Variants in ANO2 observed in about 807,000 individuals in gnomAD.
The protein encoded by ANO2 is anoctamin 2.
ANO2 carries 101 observed loss-of-function variants against 124.2 expected under a neutral mutation model. The observed-to-expected ratio is 0.81, with a 90% confidence interval of 0.69 to 0.96. The LOEUF (loss-of-function observed/expected upper bound fraction) is 0.96. ANO2 is among the 40% of genes least tolerant of loss of function. The pLI, the probability that ANO2 is intolerant of heterozygous loss-of-function variation, is 0.00. For missense variants in ANO2, 1,293 were observed against 1,274.5 expected, an observed-to-expected ratio of 1.01 and a Z score of -0.22; for synonymous variants, 486 against 482.5, an observed-to-expected ratio of 1.01 and a Z score of -0.09.
chr12:5,939,949 G>A (rs1285372230), intron 1 of ANO2, among the ~76,000 whole-genome samples: 1 of 152,180 alleles, frequency 6.6e-6, no homozygotes, highest in Non-Finnish European at 1.5e-5. Context: ...ACCTTATATT[G>A]TGTTAAAGTT....
At position 5,796,306 on chromosome 12, in the gene ANO2, C is replaced by T. The variant is rs940157736; in HGVS notation, c.1055+3201G>A. Among the ~76,000 whole-genome samples, 5 of 151,334 alleles carry T rather than the reference C, an allele frequency of 3.3e-5. No individual in the cohort carries two copies. The East Asian group carries it at 9.7e-4, about 29-fold the overall frequency. On this transcript the variant is annotated intron_variant, in intron 10 of 24. Coordinates refer to ENST00000682330, the MANE Select transcript of ANO2 (RefSeq NM_001364791.2). ...ACACACTCATTCACACGCTCATACACATACACTCCCTGCTCACACTCACAC... is the reference window on the plus strand; with the variant it reads ...ACACACTCATTCACACGCTCATACATATACACTCCCTGCTCACACTCACAC...
At position 5,799,489 on chromosome 12, in the gene ANO2, T is replaced by C. The variant is rs1275092386; in HGVS notation, c.1055+18A>G. ...TGCATCTCCAGGATACTTCCAAAAG[T>C]TCCCTACCACCTCTTACCTGATGAG... On this transcript the variant is annotated intron_variant, in intron 10 of 24. Coordinates refer to ENST00000682330, the MANE Select transcript of ANO2 (RefSeq NM_001364791.2). 2 of 1,610,282 alleles carry C rather than the reference T, an allele frequency of 1.2e-6. No individual in the cohort carries two copies. The highest frequency in any genetic ancestry group is 1.7e-5 in the Admixed American group (1 of 59,870).
At chr12:5,868,311 T>TA (rs1412325784) in intron 3 of ANO2, among the ~76,000 whole-genome samples, 1 of 152,142 alleles carries the variant, frequency 6.6e-6, no homozygotes, top group Non-Finnish European at 1.5e-5. Context: ...CAGGGCACAT[T>TA]AAAGAAGAGC....
At chr12:5,858,072 G>C (rs1266978388) in intron 3 of ANO2, among the ~76,000 whole-genome samples, 3 of 152,210 alleles carry the variant, frequency 2.0e-5, no homozygotes, top group African/African-American at 7.2e-5. Context: ...TGGATCCAAA[G>C]TTAAGCTAGA....
intron 3 of ANO2, among the ~76,000 whole-genome samples, chr12:5,881,021 T>C (rs1318113770): frequency 1.3e-5 from 2 of 152,180 alleles, no homozygotes; most frequent in African/African-American, 4.8e-5. Context: ...ACTGGATTTA[T>C]GATGATTCTT....
intron 10 of ANO2, among the ~76,000 whole-genome samples, chr12:5,781,722 C>A (rs532817350): frequency 1.3e-5 from 2 of 151,262 alleles, no homozygotes; most frequent in South Asian, 4.2e-4. Flanking sequence ...AAGAGGTATA[C>A]GGTCTGCATA....
At chr12:5,727,912 T>G (rs2137061187) in intron 14 of ANO2, among the ~76,000 whole-genome samples, 1 of 152,074 alleles carries the variant, frequency 6.6e-6, no homozygotes, top group East Asian at 1.9e-4. Flanking sequence ...GTTCACGCCA[T>G]TCTCCTGCCT....
At position 5,658,613 on chromosome 12, in the gene ANO2, AATC is replaced by A. The variant is rs556767062; in HGVS notation, c.1546-10815_1546-10813del. 3.9e-4 allele frequency among the ~76,000 whole-genome samples: 59 copies of A among 151,798 alleles called. No individual in the cohort carries two copies. Among genetic ancestry groups the A allele is most frequent in the Admixed American group, 8.5e-4 (13 of 15,264 alleles). On this transcript the variant is annotated intron_variant, in intron 14 of 24. Transcript: ENST00000682330. The surrounding 1 kb of genome is among the most constrained non-coding windows in gnomAD (Gnocchi z 4.3). ...ATCATCATCATCATTATCATCATTA[AATC>A]ATCATCAACATCAATATTATCATTG...
intron 11 of ANO2, among the ~76,000 whole-genome samples, chr12:5,748,435 G>A (rs1268310581): frequency 6.6e-6 from 1 of 152,142 alleles, no homozygotes; most frequent in Admixed American, 6.5e-5. Flanking sequence ...TGTGAAGGAG[G>A]ATATGAGCCC....
intron 16 of ANO2, among the ~76,000 whole-genome samples, chr12:5,634,583 C>A (rs1945906452): frequency 6.6e-6 from 1 of 152,142 alleles, no homozygotes; most frequent in Non-Finnish European, 1.5e-5. Flanking sequence ...AAATGACACA[C>A]CTGAATATTG....
chr12:5,765,437 TG>T (rs1268906898), intron 10 of ANO2, among the ~76,000 whole-genome samples: 2 of 151,260 alleles, frequency 1.3e-5, no homozygotes, highest in Non-Finnish European at 1.5e-5. Context: ...CTAATTCAAT[TG>T]AAAAAAAAAA....
At chr12:5,878,358 C>T (rs965687517) in intron 3 of ANO2, among the ~76,000 whole-genome samples, 34 of 152,326 alleles carry the variant, frequency 2.2e-4, no homozygotes, top group Non-Finnish European at 3.4e-4. Context: ...GATTCATGCT[C>T]AGGTCTATAG....
chr12:5,665,974 C>G lies in ANO2; in HGVS notation c.1546-18173G>C, dbSNP rs553664705. On this transcript the variant is annotated intron_variant, in intron 14 of 24. Transcript: ENST00000682330. ...GGCCTCCAGAACACGCACAAGGCAA[C>G]TCTTTACTTAGTGAACAAAATGCAC... Among the ~76,000 whole-genome samples, 3 of 152,260 alleles carry G rather than the reference C, an allele frequency of 2.0e-5. No individual in the cohort carries two copies. In the South Asian group the frequency reaches 6.2e-4, roughly 32 times the overall value.
At chr12:5,938,108 G>A (rs550435077) in intron 1 of ANO2, among the ~76,000 whole-genome samples, 3 of 152,252 alleles carry the variant, frequency 2.0e-5, no homozygotes, top group East Asian at 3.9e-4. Flanking sequence ...AAGGACTCAC[G>A]AAGGGTCCCC....
At chr12:5,828,329 G>C (rs1447979068) in intron 6 of ANO2, among the ~76,000 whole-genome samples, 4 of 152,196 alleles carry the variant, frequency 2.6e-5, no homozygotes, top group Non-Finnish European at 5.9e-5. Context: ...AGCTCCGAAC[G>C]TGGAGGTAGG....
chr12:5,917,337 C>T (rs1159032017), intron 3 of ANO2, among the ~76,000 whole-genome samples: 1 of 135,036 alleles, frequency 7.4e-6, no homozygotes, highest in African/African-American at 2.7e-5. Flanking sequence ...AGTGTATGTC[C>T]CCAATATTTC....
chr12:5,735,522 GT>G (rs1247700689), intron 13 of ANO2, among the ~76,000 whole-genome samples: 1 of 152,172 alleles, frequency 6.6e-6, no homozygotes, highest in Non-Finnish European at 1.5e-5. Context: ...TTTTCTCCAA[GT>G]AGAGAAAAGG....
chr12:5,909,994 C>A (rs747218783), intron 3 of ANO2, among the ~76,000 whole-genome samples: 1 of 152,154 alleles, frequency 6.6e-6, no homozygotes, highest in Non-Finnish European at 1.5e-5. Flanking sequence ...TGTATAGAAA[C>A]AGAGTTATCC....
At chr12:5,771,543 G>T (rs1472058115) in intron 10 of ANO2, among the ~76,000 whole-genome samples, 2 of 152,138 alleles carry the variant, frequency 1.3e-5, no homozygotes, top group South Asian at 2.1e-4. Context: ...ACTTTGGGAG[G>T]CCAAGGCAGG....
Sources: gnomAD v4.1 joint callset for allele counts (sites outside exome capture counted in the v4.1 genomes callset) on GRCh38, gnomAD v4.1.1 for gene constraint, Gnocchi (gnomAD v3.1) non-coding constraint, MANE v1.5 for transcripts, NCBI Gene and HGNC (gene_info 2026-07-23, HGNC 2026-07-21) for gene names.